GPHN: variants seen among roughly 807,000 people sequenced by gnomAD.
GPHN encodes gephyrin.
In GPHN, 17 loss-of-function variants were observed where a neutral mutation model predicts 95.5. The observed-to-expected ratio is 0.18, with a 90% CI of 0.12 to 0.27. GPHN has a LOEUF of 0.27. GPHN is among the 10% of genes least tolerant of loss of function. The pLI is 1.00. For synonymous variants in GPHN, 320 were observed against 322.5 expected, an observed-to-expected ratio of 0.99 and a Z score of 0.08; for missense variants, 660 against 978.1, an observed-to-expected ratio of 0.67 and a Z score of 4.34.
the GPHN span, chr14:67,725,332 C>A: frequency 1.4e-6 from 2 of 1,444,406 alleles, no homozygotes; most frequent in Non-Finnish European, 1.9e-6. Context: ...CATCTATGGC[C>A]CTTACATCAG....
intron 12 of GPHN, among the ~76,000 whole-genome samples, chr14:67,099,547 C>CA (rs368937478): frequency 0.24 from 34,519 of 141,164 alleles, 7,829 homozygotes; most frequent in African/African-American, 0.56. Context: ...TAACAGGATT[C>CA]AAAAAAAAAA....
chr14:66,676,295 C>T (rs916996348), intron 1 of GPHN, among the ~76,000 whole-genome samples: 1 of 151,854 alleles, frequency 6.6e-6, no homozygotes, highest in Non-Finnish European at 1.5e-5. Flanking sequence ...TTTAGATGAA[C>T]TTTATTTCCT....
intron 8 of GPHN, among the ~76,000 whole-genome samples, chr14:66,946,682 C>T (rs764743867): frequency 1.2e-4 from 18 of 152,118 alleles, no homozygotes; most frequent in Non-Finnish European, 2.5e-4. Context: ...GGATTACAGA[C>T]GTGAGCCACT....
the GPHN span, among the ~76,000 whole-genome samples, chr14:67,492,250 T>C: frequency 6.6e-6 from 1 of 152,200 alleles, no homozygotes. Context: ...GCTTGCTGCC[T>C]GAAAGGCTGG....
chr14:67,302,448 T>C, the GPHN span: 1 of 1,599,174 alleles, frequency 6.3e-7, no homozygotes, highest in African/African-American at 1.3e-5. Context: ...CTGTCATCAT[T>C]AGCCGGATAG....
the GPHN span, chr14:67,646,532 T>TA: frequency 2.5e-6 from 2 of 812,338 alleles, no homozygotes; most frequent in African/African-American, 3.4e-5. Flanking sequence ...GCTCTAAACT[T>TA]ACCCTGTGGG....
At chr14:66,562,894 T>TGC (rs1246193508) in intron 1 of GPHN, among the ~76,000 whole-genome samples, 4 of 152,010 alleles carry the variant, frequency 2.6e-5, no homozygotes, top group African/African-American at 9.7e-5. Flanking sequence ...TGTGTGTGTG[T>TGC]GCGCAAACTT....
At chr14:67,159,576 C>T (rs1480841154) in intron 19 of GPHN, 88 bp downstream of exon 19, 1 of 796,750 alleles carries the variant, frequency 1.3e-6, no homozygotes, top group East Asian at 2.4e-5. Flanking sequence ...TTTTACATTT[C>T]CTATTATGAA....
chr14:67,696,947 T>C, the GPHN span, among the ~76,000 whole-genome samples: 2 of 152,364 alleles, frequency 1.3e-5, no homozygotes, highest in Admixed American at 6.5e-5. Flanking sequence ...CCTACCAATT[T>C]AACATTAGAT....
chr14:66,613,422 C>G (rs1018228088), intron 1 of GPHN, among the ~76,000 whole-genome samples: 2 of 152,080 alleles, frequency 1.3e-5, no homozygotes, highest in Non-Finnish European at 1.5e-5. Context: ...AAATGCATCA[C>G]AACTTGAAAA....
At chr14:66,901,830 T>G (rs1251360112) in intron 5 of GPHN, among the ~76,000 whole-genome samples, 1 of 151,958 alleles carries the variant, frequency 6.6e-6, no homozygotes, top group Non-Finnish European at 1.5e-5. Context: ...CAGCTTTGAT[T>G]TTTTTGCTCA....
At chr14:66,962,964 G>T (rs536230082) in intron 8 of GPHN, among the ~76,000 whole-genome samples, 1 of 151,864 alleles carries the variant, frequency 6.6e-6, no homozygotes, top group Non-Finnish European at 1.5e-5. Context: ...AAAATCAGAT[G>T]TATGGTTACC....
chr14:66,843,278 C>A (rs117051946), intron 4 of GPHN, among the ~76,000 whole-genome samples: 1,833 of 152,308 alleles, frequency 0.012, 19 homozygotes, highest in Non-Finnish European at 0.018. Flanking sequence ...CCAGCATTAT[C>A]TATCTGCTCC....
At chr14:67,309,992 GT>G in the GPHN span, among the ~76,000 whole-genome samples, 196 of 140,884 alleles carry the variant, frequency 1.4e-3, 1 homozygote, top group Middle Eastern at 7.4e-3. Context: ...GATTCTCAAG[GT>G]TTTTTTTTTT....
At chr14:67,390,592 G>T in the GPHN span, 4 of 1,081,668 alleles carry the variant, frequency 3.7e-6, no homozygotes, top group Non-Finnish European at 5.7e-6. Flanking sequence ...CCAGCTGCCC[G>T]CCATGCCAGG....
intron 4 of GPHN, among the ~76,000 whole-genome samples, chr14:66,846,151 T>G (rs1223535335): frequency 6.6e-6 from 1 of 152,084 alleles, no homozygotes; most frequent in Admixed American, 6.6e-5. Context: ...ATTCAACAAT[T>G]TTAGGGGGGG....
the GPHN span, among the ~76,000 whole-genome samples, chr14:67,308,775 G>A: frequency 6.6e-6 from 1 of 151,764 alleles, no homozygotes; most frequent in Admixed American, 6.6e-5. Flanking sequence ...CATTGAACAT[G>A]TCCCCTCCCA....
At chr14:66,563,090 T>C (rs1198697717) in intron 1 of GPHN, among the ~76,000 whole-genome samples, 1 of 152,124 alleles carries the variant, frequency 6.6e-6, no homozygotes, top group Non-Finnish European at 1.5e-5. Context: ...TTTTCTCCTT[T>C]AAGGGATTTT....
chr14:67,018,488 G>A (rs1440136651), intron 9 of GPHN, among the ~76,000 whole-genome samples: 3 of 152,092 alleles, frequency 2.0e-5, no homozygotes, highest in Non-Finnish European at 4.4e-5. Context: ...AAAAGTTCAA[G>A]AATACAAGGC....
Sources: gnomAD v4.1 joint callset for allele counts (sites outside exome capture counted in the v4.1 genomes callset) on GRCh38, gnomAD v4.1.1 for gene constraint, MANE v1.5 for transcripts, NCBI Gene and HGNC (gene_info 2026-07-23, HGNC 2026-07-21) for gene names.